Variants in TSHZ3 observed in about 807,000 individuals in gnomAD.
The protein encoded by TSHZ3 is teashirt homolog 3.
A neutral mutation model predicts 64.5 loss-of-function variants in TSHZ3; 10 were observed. The ratio of observed to expected loss-of-function variants is 0.16; its 90% CI spans 0.10 to 0.26. The LOEUF is 0.26. TSHZ3 is among the 10% of genes least tolerant of loss of function. The pLI, the probability that TSHZ3 is intolerant of heterozygous loss-of-function variation, is 1.00. For synonymous variants in TSHZ3, 608 were observed against 593.1 expected (o/e 1.03, Z -0.36); for missense variants, 1,242 against 1,421.7 (o/e 0.87, Z 2.03).
chr19:31,223,173 T>G (rs1400491675), intron 4 of TSHZ3, among the ~76,000 whole-genome samples: 1 of 152,148 alleles, frequency 6.6e-6, no homozygotes, highest in African/African-American at 2.4e-5. Context: ...GCAGAATTTG[T>G]TTTTGGTGTA....
At chr19:31,201,459 G>A (rs1975085951) in intron 5 of TSHZ3, among the ~76,000 whole-genome samples, 1 of 152,140 alleles carries the variant, frequency 6.6e-6, no homozygotes, top group Admixed American at 6.5e-5. Flanking sequence ...CACTATGTTT[G>A]ACAAGTTGAT....
At chr19:31,327,976 A>G (rs1916978578) in intron 1 of TSHZ3, among the ~76,000 whole-genome samples, 1 of 152,242 alleles carries the variant, frequency 6.6e-6, no homozygotes, top group Admixed American at 6.5e-5. Flanking sequence ...ATTTGACAAC[A>G]TCATTCTAGA....
intron 5 of TSHZ3, among the ~76,000 whole-genome samples, chr19:31,160,910 T>G (rs1369253282): frequency 6.6e-6 from 1 of 152,194 alleles, no homozygotes; most frequent in Non-Finnish European, 1.5e-5. Context: ...TCTTTTTCTG[T>G]ATGCTGATAT....
rs1478549283 is a variant in TSHZ3 at position 31,349,338 on chromosome 19, C to G, written c.-119G>C. ...GCGGGCCTGCTCTCAGCCTCCCCCC[C>G]GGAGAGCGGCCGCCCGCAGGATGCT... is the stretch of plus-strand genomic sequence containing the variant. On this transcript the variant is annotated 5_prime_UTR_variant, in exon 1 of 2. Coordinates refer to ENST00000240587, the MANE Select transcript of TSHZ3 (RefSeq NM_020856.4). 23 of 948,576 alleles carry G rather than the reference C, an allele frequency of 2.4e-5. No individual in the cohort carries two copies. Among genetic ancestry groups the G allele is most frequent in the South Asian group, 1.7e-4 (7 of 41,780 alleles). 58.8% of individuals were successfully genotyped at this position (948,576 alleles called of 1,614,324 possible).
At chr19:31,273,444 T>C (rs959078432), downstream of TSHZ3, among the ~76,000 whole-genome samples, 6 of 152,186 alleles carry the variant, frequency 3.9e-5, no homozygotes, top group Non-Finnish European at 7.4e-5. Context: ...GGTGAGGAGA[T>C]GGGCAAAGTG....
intron 4 of TSHZ3, among the ~76,000 whole-genome samples, chr19:31,225,813 C>T (rs1975451869): frequency 6.6e-6 from 1 of 152,148 alleles, no homozygotes; most frequent in Non-Finnish European, 1.5e-5. Context: ...TATCTCCTTA[C>T]CCTTCCCAAT....
At chr19:31,328,311 G>A (rs548539664) in intron 1 of TSHZ3, among the ~76,000 whole-genome samples, 1 of 152,364 alleles carries the variant, frequency 6.6e-6, no homozygotes, top group South Asian at 2.1e-4. Flanking sequence ...CTGAGTGTGA[G>A]CCTTGAAAAG....
At chr19:31,219,802 T>C (rs147826292) in intron 4 of TSHZ3, among the ~76,000 whole-genome samples, 13,122 of 149,026 alleles carry the variant, frequency 0.088, 816 homozygotes, top group Non-Finnish European at 0.13. Context: ...TATAGATATA[T>C]ATATGTATAT....
chr19:31,200,663 G>A (rs1352018894), intron 5 of TSHZ3, among the ~76,000 whole-genome samples: 1 of 152,132 alleles, frequency 6.6e-6, no homozygotes, highest in Non-Finnish European at 1.5e-5. Context: ...TACTCATTAG[G>A]CATTTCCCTA....
At chr19:31,324,037 A>G (rs1161103292) in intron 1 of TSHZ3, among the ~76,000 whole-genome samples, 1 of 152,072 alleles carries the variant, frequency 6.6e-6, no homozygotes, top group Non-Finnish European at 1.5e-5. Context: ...AACCAAAAGC[A>G]GGAGGAAAAA....
At chr19:31,244,444 T>C (rs561812601) in intron 1 of TSHZ3, among the ~76,000 whole-genome samples, 1 of 152,186 alleles carries the variant, frequency 6.6e-6, no homozygotes, top group African/African-American at 2.4e-5. Context: ...ACCTCTGTCA[T>C]TAAACAAGAA....
chr19:31,283,926 G>A (rs1483026487), intron 1 of TSHZ3, among the ~76,000 whole-genome samples: 1 of 152,138 alleles, frequency 6.6e-6, no homozygotes, highest in Non-Finnish European at 1.5e-5. Context: ...AGTCAACAGG[G>A]GTGTGGGGCA....
chr19:31,323,485 T>C (rs906431743), intron 1 of TSHZ3, among the ~76,000 whole-genome samples: 2 of 152,260 alleles, frequency 1.3e-5, no homozygotes, highest in African/African-American at 2.4e-5. Context: ...AGCATAATTC[T>C]ATCAATGCAT....
chr19:31,349,757 G>A (rs1424095099), upstream of TSHZ3, among the ~76,000 whole-genome samples: 1 of 147,966 alleles, frequency 6.8e-6, no homozygotes, highest in African/African-American at 2.5e-5. Context: ...CACGGCATCC[G>A]GGGGGACGCG....
At chr19:31,224,653 C>T (rs1975436099) in intron 4 of TSHZ3, among the ~76,000 whole-genome samples, 1 of 152,152 alleles carries the variant, frequency 6.6e-6, no homozygotes, top group African/African-American at 2.4e-5. Flanking sequence ...GGCTTGAGGA[C>T]ACTCTAGATA....
chr19:31,289,895 C>T (rs1242633183), intron 1 of TSHZ3, among the ~76,000 whole-genome samples: 3 of 152,212 alleles, frequency 2.0e-5, no homozygotes, highest in African/African-American at 7.2e-5. Context: ...ATTCTCAATA[C>T]ACCTGGAAAA....
chr19:31,215,371 C>T (rs1296953912), intron 4 of TSHZ3, among the ~76,000 whole-genome samples: 3 of 152,048 alleles, frequency 2.0e-5, no homozygotes, highest in Non-Finnish European at 2.9e-5. Context: ...AACATCAATG[C>T]TATACAAGTA....
downstream of TSHZ3, among the ~76,000 whole-genome samples, chr19:31,149,881 C>T (rs1289330831): frequency 6.6e-6 from 1 of 152,120 alleles, no homozygotes; most frequent in African/African-American, 2.4e-5. Context: ...TCTTATGAAA[C>T]TTAATCATAG....
chr19:31,155,564 G>C (rs1446406348), intron 6 of TSHZ3, among the ~76,000 whole-genome samples: 7 of 152,198 alleles, frequency 4.6e-5, no homozygotes, highest in African/African-American at 1.4e-4. Flanking sequence ...CTGTGAGTCA[G>C]GCAGGCTTCT....
Sources: allele counts gnomAD v4.1 joint callset (sites outside exome capture counted in the v4.1 genomes callset), GRCh38; gene constraint gnomAD v4.1.1; transcripts MANE v1.5; gene names NCBI Gene and HGNC (gene_info 2026-07-23, HGNC 2026-07-21).